ALG9: variants seen among roughly 807,000 people sequenced by gnomAD.
ALG9 encodes the protein alpha-1,2-mannosyltransferase ALG9.
In ALG9, 55 loss-of-function variants were observed where a neutral mutation model predicts 81.8. The observed-to-expected ratio is 0.67, with a 90% CI of 0.54 to 0.84. The LOEUF is 0.84. Among genes scored for constraint, ALG9 ranks in the 40% least tolerant of loss-of-function variants. The pLI is 0.00. For missense variants in ALG9, 629 were observed against 745.0 expected, an observed-to-expected ratio of 0.84 and a Z score of 1.81; for synonymous variants, 278 against 274.3, an observed-to-expected ratio of 1.01 and a Z score of -0.13.
chr11:111,840,556 T>A, intron 10 of ALG9, 99 bp downstream of exon 10: 1 of 1,385,438 alleles, frequency 7.2e-7, no homozygotes, highest in Admixed American at 1.7e-5. Context: ...GGATAAAATA[T>A]CTTAGGTGGA....
chr11:111,848,498 G>A (rs1957249197), intron 8 of ALG9, among the ~76,000 whole-genome samples: 1 of 150,386 alleles, frequency 6.6e-6, no homozygotes, highest in African/African-American at 2.5e-5. Context: ...GCTGAGGCAA[G>A]AGAATTGCTT....
the ALG9 span, among the ~76,000 whole-genome samples, chr11:111,776,935 C>T: frequency 6.6e-6 from 1 of 152,186 alleles, no homozygotes; most frequent in Non-Finnish European, 1.5e-5. Flanking sequence ...TTCTACTTTC[C>T]CTTGAGTTAC....
At chr11:111,867,574 C>T (rs1247747146) in intron 3 of ALG9, among the ~76,000 whole-genome samples, 3 of 152,014 alleles carry the variant, frequency 2.0e-5, no homozygotes, top group Non-Finnish European at 4.4e-5. Flanking sequence ...ATGCAATGGA[C>T]GGGGTCAGCA....
intron 3 of ALG9, among the ~76,000 whole-genome samples, chr11:111,867,805 T>C (rs1962983768): frequency 6.6e-6 from 1 of 152,192 alleles, no homozygotes; most frequent in Non-Finnish European, 1.5e-5. Flanking sequence ...CCTACGATCT[T>C]ATTTAAGCTT....
At chr11:111,818,796 G>A (rs1951893589) in intron 13 of ALG9, among the ~76,000 whole-genome samples, 1 of 152,056 alleles carries the variant, frequency 6.6e-6, no homozygotes, top group African/African-American at 2.4e-5. Flanking sequence ...TAGGTCCTAA[G>A]TAAATGTCTA....
At chr11:111,871,291 C>A in intron 1 of ALG9, 61 bp downstream of exon 1, 1 of 1,367,454 alleles carries the variant, frequency 7.3e-7, no homozygotes, top group South Asian at 1.8e-5. Flanking sequence ...TAAGACCCTC[C>A]CGGGGGCAGC....
At chr11:111,790,924 A>T (rs1278949515) in intron 14 of ALG9, among the ~76,000 whole-genome samples, 1 of 152,218 alleles carries the variant, frequency 6.6e-6, no homozygotes, top group African/African-American at 2.4e-5. Flanking sequence ...AAAATTATGC[A>T]GTCTCTATGA....
Position 111,860,581 on chromosome 11 carries a change from C to T in ALG9, c.531G>A (p.Leu177=). The T allele has an allele frequency of 6.2e-7, 1 of 1,614,122 alleles. No homozygotes were observed. Among genetic ancestry groups the T allele is most frequent in the East Asian group, 2.2e-5 (1 of 44,884 alleles). ...LHVSRMMLAF[L]VLSTGMFCSS... ...AGCAAAACATGCCAGTGCTGAGAAC[C>T]AAGAAGGCTAGCATCATTCGACTCA... is the stretch of plus-strand genomic sequence containing the variant. The change falls in exon 5 of 15, where the codon TTG becomes TTA. Residue 177 remains leucine, a synonymous_variant. Coordinates refer to ENST00000616540, the MANE Select transcript of ALG9 (RefSeq NM_024740.2).
At chr11:111,780,368 ATT>A (rs1945860955), downstream of ALG9, among the ~76,000 whole-genome samples, 1 of 151,048 alleles carries the variant, frequency 6.6e-6, no homozygotes, top group African/African-American at 2.4e-5. Flanking sequence ...TACAGGCAGG[ATT>A]TATAATTTGC....
At chr11:111,823,344 A>G (rs1443816357) in intron 13 of ALG9, among the ~76,000 whole-genome samples, 2 of 152,218 alleles carry the variant, frequency 1.3e-5, no homozygotes, top group Non-Finnish European at 2.9e-5. Flanking sequence ...ACTCTTCTCT[A>G]AACTACTGCT....
At chr11:111,869,115 G>T (rs1469203099) in intron 2 of ALG9, among the ~76,000 whole-genome samples, 2 of 151,974 alleles carry the variant, frequency 1.3e-5, no homozygotes, top group African/African-American at 4.8e-5. Flanking sequence ...TGCAATTGAT[G>T]GATAAAAAAG....
At chr11:111,845,959 T>C (rs1555129266) in intron 8 of ALG9, among the ~76,000 whole-genome samples, 3 of 152,236 alleles carry the variant, frequency 2.0e-5, no homozygotes. Flanking sequence ...AGCTCACTCC[T>C]TCCTGTCTCA....
At chr11:111,839,828 A>G (rs1181848369) in intron 10 of ALG9, among the ~76,000 whole-genome samples, 1 of 152,190 alleles carries the variant, frequency 6.6e-6, no homozygotes, top group East Asian at 1.9e-4. Context: ...CATTATGTTA[A>G]GAAAAGCCAG....
intron 3 of ALG9, among the ~76,000 whole-genome samples, chr11:111,866,955 C>T (rs1333686233): frequency 1.3e-5 from 2 of 152,040 alleles, no homozygotes; most frequent in Admixed American, 6.6e-5. Flanking sequence ...ATTAGCCACA[C>T]GTGGGGGCTC....
chr11:111,857,806 A>C (rs1256483349), intron 5 of ALG9, 69 bp from the exon 6 acceptor site: 2 of 1,566,706 alleles, frequency 1.3e-6, no homozygotes, highest in Non-Finnish European at 1.7e-6. Flanking sequence ...ATCAATTAAA[A>C]ACTGATTAAA....
Position 111,868,689 on chromosome 11 carries a change from G to A in ALG9, c.318C>T (p.Ser106=). The change falls in exon 3 of 15, where the codon TCC becomes TCT. Residue 106 remains serine, a synonymous_variant. Transcript: ENST00000616540. The part of the protein sequence containing the change: ...YGEGFQTWEY[S]PAYAIRSYAY... ...CATAGGAGCGAATGGCATATGCTGG[G>A]GAATATTCCCAAGTCTGAAACCCTT... 6.2e-7 allele frequency: 1 copy of A among 1,613,590 alleles called. No homozygotes were observed. The highest frequency in any genetic ancestry group is 8.5e-7 in the Non-Finnish European group (1 of 1,179,696).
intron 9 of ALG9, among the ~76,000 whole-genome samples, chr11:111,843,876 G>A (rs1489598077): frequency 1.3e-5 from 2 of 152,160 alleles, no homozygotes; most frequent in African/African-American, 4.8e-5. Flanking sequence ...TATCAAATTT[G>A]GGGAAATCCC....
At position 111,845,001 on chromosome 11, in the gene ALG9, A is replaced by T. The variant is rs910778909; in HGVS notation, c.896-278T>A. Among the ~76,000 whole-genome samples the T allele has an allele frequency of 2.6e-5, 4 of 152,386 alleles. No individual in the cohort carries two copies. In the East Asian group the frequency reaches 7.7e-4, roughly 29 times the overall value. On this transcript the variant is annotated intron_variant, in intron 8 of 14. Coordinates refer to ENST00000616540, the MANE Select transcript of ALG9 (RefSeq NM_024740.2). Reference sequence around the variant, plus strand: ...ACCACTATATCTAGCCCAAATTGCTATGCCCCAATGGAACTAATACTTTTG... The same window carrying T: ...ACCACTATATCTAGCCCAAATTGCTTTGCCCCAATGGAACTAATACTTTTG...
At chr11:111,809,531 C>CACAA in intron 14 of ALG9, 112 bp downstream of exon 14, 1 of 1,315,952 alleles carries the variant, frequency 7.6e-7, no homozygotes. Context: ...CACACACACA[C>CACAA]ACACACACGA....
Sources: allele counts gnomAD v4.1 joint callset (sites outside exome capture counted in the v4.1 genomes callset), GRCh38; gene constraint gnomAD v4.1.1; transcripts MANE v1.5; gene names NCBI Gene and HGNC (gene_info 2026-07-23, HGNC 2026-07-21).